The following HERC2 variants were observed in gnomAD, a reference collection of about 807,000 sequenced individuals.
HERC2 encodes HECT and RLD domain containing E3 ubiquitin protein ligase 2.
In HERC2, 102 loss-of-function variants were observed where a neutral mutation model predicts 537.7. The ratio of observed to expected loss-of-function variants is 0.19; its 90% CI spans 0.16 to 0.22. HERC2 has a LOEUF of 0.22. Among genes scored for constraint, HERC2 ranks in the 10% least tolerant of loss-of-function variants. HERC2 has a pLI of 1.00. For synonymous variants in HERC2, 2,224 were observed against 2,466.2 expected, an observed-to-expected ratio of 0.90 and a Z score of 2.91; for missense variants, 4,236 against 6,198.2, an observed-to-expected ratio of 0.68 and a Z score of 10.63.
At chr15:28,300,073 A>T (rs2076580103) in intron 2 of HERC2, among the ~76,000 whole-genome samples, 1 of 151,474 alleles carries the variant, frequency 6.6e-6, no homozygotes, top group Admixed American at 6.6e-5. Flanking sequence ...AAAAAAGAAA[A>T]GAAAAGAAAA....
At chr15:28,135,422 A>G in intron 79 of HERC2, 56 bp downstream of exon 79, 1 of 1,409,084 alleles carries the variant, frequency 7.1e-7, no homozygotes, top group Non-Finnish European at 1.0e-6. Flanking sequence ...TAGCAGCATT[A>G]AAACAAACAA....
intron 35 of HERC2, among the ~76,000 whole-genome samples, chr15:28,225,481 A>C (rs1204781561): frequency 6.6e-6 from 1 of 152,064 alleles, no homozygotes; most frequent in Non-Finnish European, 1.5e-5. Flanking sequence ...GCGGATCGCG[A>C]GGTCAAGAGA....
intron 69 of HERC2, among the ~76,000 whole-genome samples, chr15:28,156,289 A>G (rs1260372402): frequency 6.6e-6 from 1 of 152,130 alleles, no homozygotes; most frequent in Non-Finnish European, 1.5e-5. Context: ...GTTTTTTCCA[A>G]TTCTGTGAAG....
rs950514031 is a variant in HERC2 at position 28,113,936 on chromosome 15, A to G, written c.13914-258T>C. Among the ~76,000 whole-genome samples the G allele has an allele frequency of 5.9e-5, 9 of 152,182 alleles. No homozygotes were observed. Among genetic ancestry groups the G allele is most frequent in the African/African-American group, 2.2e-4 (9 of 41,432 alleles). On this transcript the variant is annotated intron_variant, in intron 90 of 92. Transcript: ENST00000261609. This position sits in a 1 kb window ranked among gnomAD's most constrained non-coding sequence, Gnocchi z 7.0. ...ATGCACACCCCAAGACGCCACTCTC[A>G]GTACCCACAGGACACCCCAGGAGAA...
chr15:28,188,883 T>A lies in HERC2; in HGVS notation c.8649+2082A>T, dbSNP rs1351032028. Among the ~76,000 whole-genome samples the A allele has an allele frequency of 2.6e-5, 4 of 151,660 alleles. No individual in the cohort carries two copies. The East Asian group carries it at 7.8e-4, about 30-fold the overall frequency. ...TGGGCAGATCACCTGAGGTCAGGAG[T>A]TCGAGACCAGCCTGGCCAACATGAC... On this transcript the variant is annotated intron_variant, in intron 55 of 92. Transcript: ENST00000261609.
intron 2 of HERC2, 95 bp from the exon 3 acceptor site, chr15:28,299,611 T>C (rs2076564073): frequency 6.0e-6 from 4 of 668,784 alleles, no homozygotes; most frequent in South Asian, 3.7e-5. Context: ...ATCCCCCTTA[T>C]GTATTCGATC....
At chr15:28,261,801 G>A (rs2075421621) in intron 15 of HERC2, among the ~76,000 whole-genome samples, 1 of 152,148 alleles carries the variant, frequency 6.6e-6, no homozygotes, top group Admixed American at 6.5e-5. Flanking sequence ...AAAACTCTCA[G>A]TCATCAAAAT....
At chr15:28,230,570 T>C in intron 30 of HERC2, 70 bp from the exon 31 acceptor site, 3 of 1,060,180 alleles carry the variant, frequency 2.8e-6, no homozygotes, top group Non-Finnish European at 4.2e-6. Flanking sequence ...AAGAAATACT[T>C]AGATTTACAT....
chr15:28,215,113 A>C (rs1899750464), intron 39 of HERC2, among the ~76,000 whole-genome samples: 1 of 151,938 alleles, frequency 6.6e-6, no homozygotes, highest in South Asian at 2.1e-4. Flanking sequence ...TCCTGACCTC[A>C]TTATCCACCT....
At chr15:28,120,419 A>T (rs1888754420) in intron 86 of HERC2, among the ~76,000 whole-genome samples, 1 of 152,216 alleles carries the variant, frequency 6.6e-6, no homozygotes, top group Non-Finnish European at 1.5e-5. Flanking sequence ...TTTGTTCTTC[A>T]TGGCTCTCTG....
At chr15:28,123,926 T>C (rs892502562) in intron 85 of HERC2, 111 bp downstream of exon 85, 3 of 849,158 alleles carry the variant, frequency 3.5e-6, no homozygotes, top group African/African-American at 3.5e-5. Context: ...CCGTGAACAT[T>C]TGCTGAATGA....
At chr15:28,193,064 GAGAACAATAACATCTT>G (rs1239801397) in intron 52 of HERC2, among the ~76,000 whole-genome samples, 1 of 152,054 alleles carries the variant, frequency 6.6e-6, no homozygotes, top group East Asian at 1.9e-4. Flanking sequence ...CCATTCCTTG[GAGAACAATAACATCTT>G]AGCCTCAAAA....
At chr15:28,321,544 A>T in intron 1 of HERC2, 80 bp from the exon 2 acceptor site, 1 of 671,970 alleles carries the variant, frequency 1.5e-6, no homozygotes, top group South Asian at 1.9e-5. Flanking sequence ...GAAAAGAAAA[A>T]AGAGAGAGAG....
intron 2 of HERC2, among the ~76,000 whole-genome samples, chr15:28,311,744 A>T (rs1023256236): frequency 6.6e-6 from 1 of 152,120 alleles, no homozygotes; most frequent in Non-Finnish European, 1.5e-5. Flanking sequence ...CCAACACCCA[A>T]GCAGAGAGGG....
chr15:28,265,602 C>G lies in HERC2; in HGVS notation c.1870+16G>C. ...GTCCTCGTGGGCCTGTCCAGGGTGG[C>G]GAGAGCTCTACGTACCGTTCTCAGT... On this transcript the variant is annotated intron_variant, in intron 14 of 92. Transcript: ENST00000261609. This position sits in a 1 kb window ranked among gnomAD's most constrained non-coding sequence, Gnocchi z 4.0. The G allele has an allele frequency of 2.5e-6, 4 of 1,606,926 alleles. No individual in the cohort carries two copies. Among genetic ancestry groups the G allele is most frequent in the Non-Finnish European group, 3.4e-6 (4 of 1,174,302 alleles).
chr15:28,294,881 ATCTT>A (rs61118117), intron 3 of HERC2, among the ~76,000 whole-genome samples: 11,713 of 151,704 alleles, frequency 0.077, 1,344 homozygotes, highest in African/African-American at 0.27. Flanking sequence ...TAGGGCAGGA[ATCTT>A]CTAGGGTTAT....
chr15:28,226,065 A>C (rs1901123059), intron 35 of HERC2, among the ~76,000 whole-genome samples: 1 of 152,264 alleles, frequency 6.6e-6, no homozygotes, highest in African/African-American at 2.4e-5. Context: ...AACACTACCC[A>C]GTTCATTCTA....
intron 68 of HERC2, among the ~76,000 whole-genome samples, chr15:28,163,524 G>A (rs965613166): frequency 6.6e-6 from 1 of 152,132 alleles, no homozygotes; most frequent in African/African-American, 2.4e-5. Flanking sequence ...ATCAAAAAGG[G>A]ATGACTTAAG....
At chr15:28,185,522 T>A (rs1896227134) in intron 56 of HERC2, among the ~76,000 whole-genome samples, 1 of 152,242 alleles carries the variant, frequency 6.6e-6, no homozygotes, top group Admixed American at 6.5e-5. Context: ...TCCTCCATTG[T>A]TATTATCCAC....
Sources: gnomAD v4.1 joint callset for allele counts (sites outside exome capture counted in the v4.1 genomes callset) on GRCh38, gnomAD v4.1.1 for gene constraint, Gnocchi (gnomAD v3.1) non-coding constraint, MANE v1.5 for transcripts, NCBI Gene and HGNC (gene_info 2026-07-23, HGNC 2026-07-21) for gene names.